ERC2: variants seen among roughly 807,000 people sequenced by gnomAD.
The protein encoded by ERC2 is ELKS/RAB6-interacting/CAST family member 2.
A neutral mutation model predicts 114.8 loss-of-function variants in ERC2; 42 were observed. That is an observed-to-expected ratio of 0.37 (90% CI 0.29 to 0.47). The LOEUF (loss-of-function observed/expected upper bound fraction) is 0.47, where lower values mean the gene tolerates loss of function less well. Ranked by LOEUF, ERC2 falls within the 20% of genes least tolerant of loss-of-function variation. The pLI, the probability that ERC2 is intolerant of heterozygous loss-of-function variation, is 0.99. For missense variants in ERC2, 939 were observed against 1,150.7 expected (o/e 0.82, Z 2.66); for synonymous variants, 454 against 425.5 (o/e 1.07, Z -0.82).
chr3:55,793,577 G>A (rs78829100), intron 14 of ERC2, among the ~76,000 whole-genome samples: 4,340 of 152,226 alleles, frequency 0.029, 84 homozygotes, highest in Middle Eastern at 0.071. Flanking sequence ...CACAACTCAT[G>A]TTATTTTGAC....
intron 7 of ERC2, among the ~76,000 whole-genome samples, chr3:56,025,350 G>A (rs1159849539): frequency 6.6e-6 from 1 of 152,170 alleles, no homozygotes; most frequent in Non-Finnish European, 1.5e-5. Flanking sequence ...TCTGGGCATG[G>A]CCTGATTGGT....
chr3:56,061,395 T>C (rs961503185), intron 7 of ERC2, among the ~76,000 whole-genome samples: 2 of 152,220 alleles, frequency 1.3e-5, no homozygotes, highest in Non-Finnish European at 2.9e-5. Context: ...TGGACTAGAC[T>C]AGTCTGCATG....
intron 7 of ERC2, among the ~76,000 whole-genome samples, chr3:56,069,300 C>G (rs2076620935): frequency 6.6e-6 from 1 of 152,192 alleles, no homozygotes; most frequent in South Asian, 2.1e-4. Context: ...TTACTTGCCT[C>G]TGAATTTCCA....
At chr3:55,936,349 T>C (rs1189818863) in intron 13 of ERC2, among the ~76,000 whole-genome samples, 1 of 136,642 alleles carries the variant, frequency 7.3e-6, no homozygotes, top group Non-Finnish European at 1.7e-5. Context: ...GCCAACTCTG[T>C]TTTGGATACG....
intron 7 of ERC2, among the ~76,000 whole-genome samples, chr3:56,080,205 A>T (rs917034670): frequency 6.6e-6 from 1 of 152,228 alleles, no homozygotes; most frequent in Non-Finnish European, 1.5e-5. Context: ...ATTCTCCAAA[A>T]GAAAATCGGG....
At chr3:56,376,655 C>A (rs2059553445) in intron 2 of ERC2, among the ~76,000 whole-genome samples, 1 of 151,696 alleles carries the variant, frequency 6.6e-6, no homozygotes, top group Non-Finnish European at 1.5e-5. Flanking sequence ...CCCAGCTACT[C>A]AGGAGGCTGA....
chr3:55,577,725 C>T (rs1381101187), intron 17 of ERC2, among the ~76,000 whole-genome samples: 1 of 152,142 alleles, frequency 6.6e-6, no homozygotes, highest in Non-Finnish European at 1.5e-5. Context: ...AGGTGGTGGC[C>T]ACAGGTTCTT....
chr3:56,442,377 G>C (rs777373738), intron 1 of ERC2, among the ~76,000 whole-genome samples: 6 of 151,880 alleles, frequency 4.0e-5, no homozygotes, highest in Non-Finnish European at 5.9e-5. Flanking sequence ...ACACCCCCTC[G>C]CCTGGCAAAT....
At chr3:56,292,027 T>C (rs1472303285) in intron 3 of ERC2, among the ~76,000 whole-genome samples, 1 of 152,148 alleles carries the variant, frequency 6.6e-6, no homozygotes, top group Non-Finnish European at 1.5e-5. Flanking sequence ...AGCATAGCAT[T>C]TTTCAAAAAT....
At chr3:56,282,175 T>A (rs938403899) in intron 3 of ERC2, among the ~76,000 whole-genome samples, 4 of 152,180 alleles carry the variant, frequency 2.6e-5, no homozygotes, top group African/African-American at 9.7e-5. Flanking sequence ...ACCGCAAGTC[T>A]CCTGTAAATT....
intron 3 of ERC2, among the ~76,000 whole-genome samples, chr3:56,264,596 CAAA>C (rs35155507): frequency 1.5e-5 from 2 of 136,752 alleles, no homozygotes; most frequent in Non-Finnish European, 1.6e-5. Context: ...GACTCCATCT[CAAA>C]AAAAAAAAAA....
chr3:56,070,615 G>T (rs13065489), intron 7 of ERC2, among the ~76,000 whole-genome samples: 58,734 of 151,926 alleles, frequency 0.39, 12,352 homozygotes, highest in Admixed American at 0.47. Flanking sequence ...GCATGATCTG[G>T]CCCTGAACTG....
At chr3:55,532,081 C>A (rs966638473) in intron 17 of ERC2, among the ~76,000 whole-genome samples, 2 of 152,326 alleles carry the variant, frequency 1.3e-5, no homozygotes, top group African/African-American at 4.8e-5. Flanking sequence ...CTACATCACC[C>A]TTTTCATAGG....
chr3:55,929,695 G>A (rs779567440), intron 13 of ERC2, among the ~76,000 whole-genome samples: 11 of 152,206 alleles, frequency 7.2e-5, no homozygotes, highest in Non-Finnish European at 1.2e-4. Context: ...CCTAGTGGGA[G>A]GGGACTGGAT....
chr3:56,220,289 T>C (rs2049814835), intron 3 of ERC2, among the ~76,000 whole-genome samples: 1 of 152,162 alleles, frequency 6.6e-6, no homozygotes, highest in South Asian at 2.1e-4. Flanking sequence ...CAAAAGATTT[T>C]CCAATATTCT....
intron 17 of ERC2, among the ~76,000 whole-genome samples, chr3:55,536,260 C>T (rs1437451381): frequency 1.3e-5 from 2 of 152,112 alleles, no homozygotes; most frequent in African/African-American, 2.4e-5. Context: ...ACTCACTGTC[C>T]AGACCTCAGG....
At chr3:56,246,450 T>C (rs1402289200) in intron 3 of ERC2, among the ~76,000 whole-genome samples, 2 of 152,172 alleles carry the variant, frequency 1.3e-5, no homozygotes, top group East Asian at 1.9e-4. Context: ...ACAACCACTG[T>C]TCTAAACTTT....
At chr3:55,893,335 C>T (rs1021433602) in intron 13 of ERC2, among the ~76,000 whole-genome samples, 1 of 152,146 alleles carries the variant, frequency 6.6e-6, no homozygotes, top group East Asian at 1.9e-4. Flanking sequence ...AGAGGCATTT[C>T]CACCATCCAC....
chr3:55,534,674 C>CA (rs1273641697), intron 17 of ERC2, among the ~76,000 whole-genome samples: 8 of 152,112 alleles, frequency 5.3e-5, no homozygotes, highest in African/African-American at 1.9e-4. Context: ...CCAGCCTGGG[C>CA]AACAGACCTC....
Sources: gnomAD v4.1 joint callset for allele counts (sites outside exome capture counted in the v4.1 genomes callset) on GRCh38, gnomAD v4.1.1 for gene constraint, MANE v1.5 for transcripts, NCBI Gene and HGNC (gene_info 2026-07-23, HGNC 2026-07-21) for gene names.